Variants in TRHDE observed in about 807,000 individuals in gnomAD.
TRHDE encodes the protein thyrotropin-releasing hormone-degrading ectoenzyme.
Under a neutral mutation model 125.7 loss-of-function variants are expected in TRHDE, and 72 were observed. That is an observed-to-expected ratio of 0.57 (90% CI 0.47 to 0.70). The LOEUF (loss-of-function observed/expected upper bound fraction) is 0.70, where lower values mean the gene tolerates loss of function less well. Ranked by LOEUF, TRHDE falls within the 30% of genes least tolerant of loss-of-function variation. TRHDE has a pLI of 0.00. For missense variants in TRHDE, 1,110 were observed against 1,327.1 expected, an observed-to-expected ratio of 0.84 and a Z score of 2.54; for synonymous variants, 509 against 509.1, an observed-to-expected ratio of 1.00 and a Z score of 0.00.
At chr12:72,545,498 G>A (rs1834557440) in intron 7 of TRHDE, among the ~76,000 whole-genome samples, 2 of 151,458 alleles carry the variant, frequency 1.3e-5, no homozygotes, top group South Asian at 4.2e-4. Context: ...TAGACAATTT[G>A]GGTTTGATAT....
At chr12:72,203,341 G>C (rs572429565) in intron 2 of TRHDE, among the ~76,000 whole-genome samples, 1 of 152,146 alleles carries the variant, frequency 6.6e-6, no homozygotes, top group African/African-American at 2.4e-5. Flanking sequence ...GGTGGCAGGC[G>C]CCTGTAGTCC....
chr12:72,287,672 C>G (rs1303829469), intron 2 of TRHDE, among the ~76,000 whole-genome samples: 1 of 151,898 alleles, frequency 6.6e-6, no homozygotes, highest in Non-Finnish European at 1.5e-5. Context: ...TGTCCTGCAA[C>G]TTATTTTCAT....
intron 3 of TRHDE, among the ~76,000 whole-genome samples, chr12:72,413,745 C>T (rs1023680599): frequency 6.6e-6 from 1 of 151,944 alleles, no homozygotes; most frequent in Non-Finnish European, 1.5e-5. Context: ...AGTTCATGAG[C>T]ATCACCATCC....
chr12:72,446,112 T>C (rs1342378967), intron 3 of TRHDE, among the ~76,000 whole-genome samples: 2 of 151,580 alleles, frequency 1.3e-5, no homozygotes, highest in African/African-American at 2.4e-5. Flanking sequence ...AAAATCCAAA[T>C]ATCGATTCAG....
At chr12:72,488,683 CA>C (rs1205228114) in intron 5 of TRHDE, among the ~76,000 whole-genome samples, 2 of 151,728 alleles carry the variant, frequency 1.3e-5, no homozygotes, top group East Asian at 3.9e-4. Flanking sequence ...ACTTTTTATC[CA>C]ATAGCAGCTG....
intron 3 of TRHDE, among the ~76,000 whole-genome samples, chr12:72,416,483 C>T (rs190117309): frequency 1.3e-5 from 2 of 151,814 alleles, no homozygotes; most frequent in Non-Finnish European, 1.5e-5. Flanking sequence ...TGGAGAGTTT[C>T]CCCAATGTTT....
Position 72,621,768 on chromosome 12 carries a change from C to G in TRHDE, c.2675+17C>G. The G allele has an allele frequency of 1.3e-6, 2 of 1,548,480 alleles. No homozygotes were observed. Among genetic ancestry groups the G allele is most frequent in the Non-Finnish European group, 1.8e-6 (2 of 1,131,106 alleles). On this transcript the variant is annotated intron_variant, in intron 15 of 18. Transcript: ENST00000261180. ...CAGGAACAGGTAAACTGAGCCAAAT[C>G]CTGTATTTCTGATATTATTTAATAG...
chr12:72,224,079 CATCTATCTATCCATCTATCTATCT>C (rs1466137805), intron 2 of TRHDE, among the ~76,000 whole-genome samples: 12 of 64,090 alleles, frequency 1.9e-4, no homozygotes, highest in African/African-American at 5.3e-4. Context: ...TCTATCTATC[CATCTATCTATCCATCTATCTATCT>C]ATCTATCTAT....
At chr12:72,099,498 A>AT (rs530616121) in intron 1 of TRHDE, among the ~76,000 whole-genome samples, 101 of 152,022 alleles carry the variant, frequency 6.6e-4, no homozygotes, top group Middle Eastern at 3.4e-3. Flanking sequence ...TATAGTTTGA[A>AT]TTTTTTTTCC....
chr12:72,490,239 C>T (rs977078441), intron 5 of TRHDE, among the ~76,000 whole-genome samples: 14 of 151,848 alleles, frequency 9.2e-5, no homozygotes, highest in Non-Finnish European at 7.4e-5. Flanking sequence ...AGATGCTCAA[C>T]ATTGGTAGTC....
rs183983576 is a variant in TRHDE, at chr12:72,485,259, A to G, written c.1584+12079A>G. Among the ~76,000 whole-genome samples, 56 of 152,272 alleles carry G rather than the reference A, an allele frequency of 3.7e-4. No homozygotes were observed. The East Asian group carries it at 0.011, about 29-fold the overall frequency. On this transcript the variant is annotated intron_variant, in intron 5 of 18. Transcript: ENST00000261180. ...TGTGCCACCTTGAATCAGAGCCACT[A>G]TTAGAGTGTGTCCTGCTCCAGGGGT...
At chr12:72,549,949 A>T (rs1183421540) in intron 7 of TRHDE, among the ~76,000 whole-genome samples, 1 of 151,642 alleles carries the variant, frequency 6.6e-6, no homozygotes, top group Non-Finnish European at 1.5e-5. Context: ...TAACTAAAAA[A>T]CTCGTATTTT....
chr12:72,471,415 G>T (rs957402648), intron 4 of TRHDE, among the ~76,000 whole-genome samples: 2 of 152,136 alleles, frequency 1.3e-5, no homozygotes, highest in Non-Finnish European at 2.9e-5. Flanking sequence ...TAGATATATA[G>T]TTCTGTGGAA....
chr12:72,115,848 T>A (rs1041071879), intron 2 of TRHDE, among the ~76,000 whole-genome samples: 60 of 152,190 alleles, frequency 3.9e-4, no homozygotes, highest in African/African-American at 9.7e-4. Context: ...ATGTCTTTTT[T>A]AAAAAAATTT....
In TRHDE at chr12:72,454,710, T is replaced by G. The variant is rs554699502; in HGVS notation, c.1316-15048T>G. 2.0e-4 allele frequency among the ~76,000 whole-genome samples: 30 copies of G among 152,328 alleles called. No homozygotes were observed. In the South Asian group the frequency reaches 6.0e-3, roughly 30 times the overall value. On this transcript the variant is annotated intron_variant, in intron 3 of 18. Transcript: ENST00000261180. ...AACTTTAATGTACATATAAGTAGTC[T>G]GAGGATCTTGTTAAAATGCATATTC...
At chr12:72,479,895 A>G (rs1306289927) in intron 5 of TRHDE, among the ~76,000 whole-genome samples, 2 of 149,574 alleles carry the variant, frequency 1.3e-5, no homozygotes, top group South Asian at 2.1e-4. Flanking sequence ...TCCCACCTAT[A>G]AGTGAGAACA....
rs75213327 is a variant in TRHDE, at chr12:72,572,521, C to G, written c.2132-2734C>G. Among the ~76,000 whole-genome samples, 194 of 152,018 alleles carry G rather than the reference C, an allele frequency of 1.3e-3. 2 individuals are homozygous for G. Among genetic ancestry groups the G allele is most frequent in the African/African-American group, 3.9e-3 (160 of 41,502 alleles). ...GCTTGCCATCATTTAATTTGAAGAACATTTTAGGGATATAATTAACTAGAA... is the reference window on the plus strand; with the variant it reads ...GCTTGCCATCATTTAATTTGAAGAAGATTTTAGGGATATAATTAACTAGAA... On this transcript the variant is annotated intron_variant, in intron 10 of 18. Transcript: ENST00000261180.
chr12:72,592,773 C>T (rs1395410980), intron 12 of TRHDE, among the ~76,000 whole-genome samples: 1 of 151,094 alleles, frequency 6.6e-6, no homozygotes, highest in Non-Finnish European at 1.5e-5. Context: ...TGCAGTGGTG[C>T]GATCTCGGCT....
intron 3 of TRHDE, among the ~76,000 whole-genome samples, chr12:72,446,073 T>G (rs74719352): frequency 1.3e-5 from 2 of 151,878 alleles, no homozygotes; most frequent in African/African-American, 4.8e-5. Context: ...CAAATTTTAA[T>G]TTACATGTGA....
Sources: gnomAD v4.1 joint callset for allele counts (sites outside exome capture counted in the v4.1 genomes callset) on GRCh38, gnomAD v4.1.1 for gene constraint, MANE v1.5 for transcripts, NCBI Gene and HGNC (gene_info 2026-07-23, HGNC 2026-07-21) for gene names.